FCHSD2: variants seen among roughly 807,000 people sequenced by gnomAD.
FCHSD2 encodes F-BAR and double SH3 domains protein 2.
In FCHSD2, 38 loss-of-function variants were observed where a neutral mutation model predicts 108.1. The observed-to-expected ratio is 0.35, with a 90% CI of 0.27 to 0.46. FCHSD2 has a LOEUF of 0.46. Ranked by LOEUF, FCHSD2 falls within the 20% of genes least tolerant of loss-of-function variation. FCHSD2 has a pLI of 1.00. For missense variants in FCHSD2, 751 were observed against 897.8 expected (o/e 0.84, Z 2.09); for synonymous variants, 279 against 314.7 (o/e 0.89, Z 1.20).
intron 2 of FCHSD2, among the ~76,000 whole-genome samples, chr11:73,095,375 T>G (rs934061347): frequency 6.6e-6 from 1 of 152,162 alleles, no homozygotes; most frequent in African/African-American, 2.4e-5. Context: ...TCTAATTCAG[T>G]TTTAACATTT....
intron 3 of FCHSD2, among the ~76,000 whole-genome samples, chr11:73,031,959 T>G (rs1384301390): frequency 6.6e-6 from 1 of 152,220 alleles, no homozygotes; most frequent in Non-Finnish European, 1.5e-5. Context: ...TGCCAGGGAT[T>G]AATTTAAAAA....
chr11:73,140,895 G>A (rs1020269810), intron 1 of FCHSD2, among the ~76,000 whole-genome samples: 50 of 152,338 alleles, frequency 3.3e-4, no homozygotes, highest in African/African-American at 1.1e-3. Context: ...CCACCCGGAG[G>A]GGTGGGGGTA....
intron 8 of FCHSD2, among the ~76,000 whole-genome samples, chr11:72,983,512 T>C (rs968698609): frequency 6.6e-6 from 1 of 152,060 alleles, no homozygotes; most frequent in Non-Finnish European, 1.5e-5. Flanking sequence ...TCATTAGACA[T>C]AGTTGTGGCC....
chr11:73,068,757 C>G (rs1471007726), intron 3 of FCHSD2, among the ~76,000 whole-genome samples: 2 of 148,216 alleles, frequency 1.3e-5, no homozygotes, highest in Non-Finnish European at 3.0e-5. Context: ...ACTGCTTGAG[C>G]CCAGGAGTTC....
chr11:73,096,987 A>ATTTTTTGTTTTT (rs1860097147), intron 2 of FCHSD2, among the ~76,000 whole-genome samples: 1 of 27,020 alleles, frequency 3.7e-5, no homozygotes, highest in Non-Finnish European at 5.6e-5. Flanking sequence ...TCATTGATGG[A>ATTTTTTGTTTTT]TTTTTTTTTT....
intron 3 of FCHSD2, among the ~76,000 whole-genome samples, chr11:73,047,584 A>T (rs140047600): frequency 9.2e-5 from 14 of 152,344 alleles, no homozygotes; most frequent in Non-Finnish European, 1.9e-4. Context: ...TAAAGTATTA[A>T]CCTATCAAAT....
chr11:73,042,830 G>C (rs889694427), intron 3 of FCHSD2, among the ~76,000 whole-genome samples: 2 of 151,810 alleles, frequency 1.3e-5, no homozygotes, highest in Non-Finnish European at 2.9e-5. Flanking sequence ...TAAATTTGAG[G>C]CTTTCTTGAT....
intron 9 of FCHSD2, among the ~76,000 whole-genome samples, chr11:72,918,677 G>C (rs1565322637): frequency 6.6e-6 from 1 of 152,000 alleles, no homozygotes; most frequent in African/African-American, 2.4e-5. Context: ...GAAGTATTAA[G>C]AACAGTAACA....
chr11:72,914,461 A>G (rs1432999422), intron 9 of FCHSD2, among the ~76,000 whole-genome samples: 2 of 152,200 alleles, frequency 1.3e-5, no homozygotes, highest in African/African-American at 2.4e-5. Flanking sequence ...GAACAAAGCT[A>G]GAGGCATCAC....
chr11:72,868,083 G>A (rs1854769813), intron 12 of FCHSD2, 57 bp from the exon 13 acceptor site: 1 of 1,500,216 alleles, frequency 6.7e-7, no homozygotes, highest in South Asian at 1.2e-5. Context: ...CAATAGCAAA[G>A]ATAAGGAATC....
At chr11:73,085,597 G>A (rs1381651490) in intron 2 of FCHSD2, among the ~76,000 whole-genome samples, 1 of 152,022 alleles carries the variant, frequency 6.6e-6, no homozygotes, top group Non-Finnish European at 1.5e-5. Flanking sequence ...AAATTGAAAA[G>A]TCACCACACA....
intron 3 of FCHSD2, among the ~76,000 whole-genome samples, chr11:73,025,229 G>A (rs965737422): frequency 1.3e-5 from 2 of 152,108 alleles, no homozygotes; most frequent in African/African-American, 4.8e-5. Context: ...AAAAGACATG[G>A]AATCAACCTA....
intron 4 of FCHSD2, among the ~76,000 whole-genome samples, chr11:73,003,469 A>C (rs1857667806): frequency 6.6e-6 from 1 of 151,968 alleles, no homozygotes; most frequent in South Asian, 2.1e-4. Context: ...AAGGAAAAAT[A>C]ATCATAGGTC....
intron 3 of FCHSD2, among the ~76,000 whole-genome samples, chr11:73,074,655 G>A (rs1333018482): frequency 6.6e-6 from 1 of 152,104 alleles, no homozygotes; most frequent in Admixed American, 6.6e-5. Flanking sequence ...ACCATTAACA[G>A]ATAAAAAGCT....
intron 8 of FCHSD2, among the ~76,000 whole-genome samples, chr11:72,943,488 C>T (rs1388768599): frequency 6.6e-6 from 1 of 152,020 alleles, no homozygotes; most frequent in Non-Finnish European, 1.5e-5. Flanking sequence ...TATGGGAAAA[C>T]AGTAAATGTG....
At chr11:73,091,631 C>T (rs7130559) in intron 2 of FCHSD2, among the ~76,000 whole-genome samples, 6,870 of 152,240 alleles carry the variant, frequency 0.045, 413 homozygotes, top group African/African-American at 0.14. Flanking sequence ...ATGTTATGCC[C>T]CAGCTAAGTT....
intron 2 of FCHSD2, among the ~76,000 whole-genome samples, chr11:73,128,612 G>A (rs987956118): frequency 6.6e-6 from 1 of 152,172 alleles, no homozygotes; most frequent in African/African-American, 2.4e-5. Context: ...GGAAAAATTT[G>A]CATAAGGAGA....
chr11:72,902,567 C>T lies in FCHSD2; in HGVS notation c.900G>A (p.Gln300=), dbSNP rs139052840. 2.6e-5 allele frequency: 41 copies of T among 1,586,620 alleles called. No homozygotes were observed. The highest frequency in any genetic ancestry group is 2.9e-5 in the Non-Finnish European group (34 of 1,165,520). The change falls in exon 10 of 20, where the codon CAG becomes CAA. Residue 300 remains glutamine, a synonymous_variant. Coordinates refer to ENST00000409418, the MANE Select transcript of FCHSD2 (RefSeq NM_014824.3). Reference sequence around the variant, plus strand: ...CAGTATCACTGTCACAAGGCTGGAACTGGAAGGGCTGGGGTTTGTGAAATA... The same window carrying T: ...CAGTATCACTGTCACAAGGCTGGAATTGGAAGGGCTGGGGTTTGTGAAATA... The part of the protein sequence containing the change: ...NAVFHKPQPF[Q]FQPCDSDTSR...
chr11:73,028,653 G>A (rs955127348), intron 3 of FCHSD2, among the ~76,000 whole-genome samples: 5 of 152,074 alleles, frequency 3.3e-5, no homozygotes, highest in African/African-American at 1.2e-4. Flanking sequence ...GTGGGCCAGG[G>A]GTGGAATGAT....
Sources: allele counts gnomAD v4.1 joint callset (sites outside exome capture counted in the v4.1 genomes callset), GRCh38; gene constraint gnomAD v4.1.1; transcripts MANE v1.5; gene names NCBI Gene and HGNC (gene_info 2026-07-23, HGNC 2026-07-21).